TMEM132C: variants seen among roughly 807,000 people sequenced by gnomAD.
TMEM132C encodes the protein transmembrane protein 132C, also known as protein phosphatase 1, regulatory subunit 152.
A neutral mutation model predicts 61.4 loss-of-function variants in TMEM132C; 29 were observed. The observed-to-expected ratio is 0.47, with a 90% confidence interval of 0.35 to 0.64. The LOEUF (loss-of-function observed/expected upper bound fraction) is 0.64. TMEM132C is among the 30% of genes least tolerant of loss of function. The pLI is 0.00. For synonymous variants in TMEM132C, 656 were observed against 633.1 expected, an observed-to-expected ratio of 1.04 and a Z score of -0.54; for missense variants, 1,408 against 1,476.9, an observed-to-expected ratio of 0.95 and a Z score of 0.76.
chr12:128,661,134 T>C (rs1593138768), intron 4 of TMEM132C, among the ~76,000 whole-genome samples: 3 of 152,194 alleles, frequency 2.0e-5, no homozygotes, highest in Non-Finnish European at 4.4e-5. Context: ...CAAACTGTCA[T>C]GAAGGGCAGC....
At chr12:128,665,991 GCACT>G (rs1291163123) in intron 4 of TMEM132C, among the ~76,000 whole-genome samples, 1 of 101,958 alleles carries the variant, frequency 9.8e-6, no homozygotes, top group African/African-American at 4.0e-5. Context: ...AAACACACAG[GCACT>G]CACACACAGG....
chr12:128,469,662 G>GTA (rs144261529), intron 2 of TMEM132C, among the ~76,000 whole-genome samples: 129 of 144,838 alleles, frequency 8.9e-4, no homozygotes, highest in African/African-American at 9.6e-4. Flanking sequence ...GTGTGTGTGT[G>GTA]TATATATATA....
chr12:128,628,330 C>G (rs147240632), intron 4 of TMEM132C, among the ~76,000 whole-genome samples: 4 of 152,314 alleles, frequency 2.6e-5, no homozygotes, highest in Non-Finnish European at 4.4e-5. Flanking sequence ...GATCTAACCT[C>G]CTTTCCCAGC....
intron 2 of TMEM132C, among the ~76,000 whole-genome samples, chr12:128,463,897 G>A (rs1306496560): frequency 6.6e-6 from 1 of 152,150 alleles, no homozygotes; most frequent in Non-Finnish European, 1.5e-5. Context: ...AGGAGACCAA[G>A]CCTCCAGCCA....
At chr12:128,652,858 T>A (rs1365277307) in intron 4 of TMEM132C, among the ~76,000 whole-genome samples, 1 of 152,204 alleles carries the variant, frequency 6.6e-6, no homozygotes, top group African/African-American at 2.4e-5. Flanking sequence ...AGAAAGATAA[T>A]TCGCCTTGGG....
At chr12:128,704,478 C>T (rs1954822968) in intron 8 of TMEM132C, among the ~76,000 whole-genome samples, 1 of 152,192 alleles carries the variant, frequency 6.6e-6, no homozygotes, top group South Asian at 2.1e-4. Context: ...TACAGCCAAG[C>T]AAAGCATCTG....
intron 1 of TMEM132C, among the ~76,000 whole-genome samples, chr12:128,297,454 G>A (rs1251065234): frequency 6.6e-6 from 1 of 152,182 alleles, no homozygotes; most frequent in Non-Finnish European, 1.5e-5. Context: ...GTGCTATCAT[G>A]GCTCCGGGTC....
intron 1 of TMEM132C, among the ~76,000 whole-genome samples, chr12:128,392,070 C>CTCTG (rs1307268245): frequency 8.1e-6 from 1 of 123,152 alleles, no homozygotes; most frequent in African/African-American, 3.3e-5. Flanking sequence ...CTCTTTCTCT[C>CTCTG]TCTCTCTCTC....
rs12830799 is a variant in TMEM132C, at chr12:128,542,856, A to C, written c.975-1101A>C. Among the ~76,000 whole-genome samples the C allele has an allele frequency of 6.1e-5, 8 of 132,100 alleles. No individual in the cohort carries two copies. In the Admixed American group the frequency reaches 6.3e-4, roughly 10 times the overall value. The allele number at this position is 132,100 out of a possible 152,430, so 86.7% of individuals were successfully genotyped here. ...AGCCTAGCGACAGAACAATACTTCGATGCAAAAAAAAAAAAAAAAAAAAAA... is the reference window on the plus strand; with the variant it reads ...AGCCTAGCGACAGAACAATACTTCGCTGCAAAAAAAAAAAAAAAAAAAAAA... On this transcript the variant is annotated intron_variant, in intron 2 of 8. Coordinates refer to ENST00000435159, the MANE Select transcript of TMEM132C (RefSeq NM_001136103.3).
At chr12:128,455,436 C>G (rs1870307540) in intron 2 of TMEM132C, among the ~76,000 whole-genome samples, 1 of 152,084 alleles carries the variant, frequency 6.6e-6, no homozygotes, top group Non-Finnish European at 1.5e-5. Context: ...CCTACTGAAG[C>G]AGTATTGTGG....
Position 128,669,473 on chromosome 12 carries a change from C to A in TMEM132C, c.1362C>A (p.Ile454=), listed in dbSNP as rs545813970. The A allele has an allele frequency of 1.3e-6, 2 of 1,551,568 alleles. No homozygotes were observed. Among genetic ancestry groups the A allele is most frequent in the African/African-American group, 1.4e-5 (1 of 73,024 alleles). Residue 454 remains isoleucine (I), a synonymous_variant, in exon 5 of 9, where the codon ATC becomes ATA. Coordinates refer to ENST00000435159, the MANE Select transcript of TMEM132C (RefSeq NM_001136103.3). ...CAGGAAAGACAGTTGCCATGCCTAT[C>A]AAGGTGGTCTCTGTGGAGGAGAACA... The part of the protein sequence containing the change: ...VLTGKTVAMP[I]KVVSVEENSA...
chr12:128,525,317 C>CTT (rs1462102653), intron 2 of TMEM132C, among the ~76,000 whole-genome samples: 135 of 149,302 alleles, frequency 9.0e-4, no homozygotes, highest in Non-Finnish European at 1.7e-3. Context: ...ATCCTTTGCA[C>CTT]TTCTCTCTCT....
At chr12:128,481,821 T>G (rs906137635) in intron 2 of TMEM132C, among the ~76,000 whole-genome samples, 3 of 152,184 alleles carry the variant, frequency 2.0e-5, no homozygotes, top group African/African-American at 7.2e-5. Context: ...GGAGGCACTC[T>G]GCTTGACCTG....
At chr12:128,388,866 T>C (rs1238661818) in intron 1 of TMEM132C, among the ~76,000 whole-genome samples, 1 of 152,232 alleles carries the variant, frequency 6.6e-6, no homozygotes, top group East Asian at 1.9e-4. Flanking sequence ...TAACAGAGTG[T>C]TGGTTTCACA....
chr12:128,620,279 T>C (rs533812778), intron 4 of TMEM132C, among the ~76,000 whole-genome samples: 18 of 150,404 alleles, frequency 1.2e-4, no homozygotes, highest in African/African-American at 3.7e-4. Context: ...GCAGAATTCA[T>C]TCAACCTCAC....
At chr12:128,344,635 T>C (rs145525370) in intron 1 of TMEM132C, among the ~76,000 whole-genome samples, 128 of 152,342 alleles carry the variant, frequency 8.4e-4, no homozygotes, top group Non-Finnish European at 1.7e-3. Context: ...CAACACTTGC[T>C]ATTGCCCGTC....
At chr12:128,422,206 G>T (rs1869011958) in intron 2 of TMEM132C, among the ~76,000 whole-genome samples, 1 of 152,192 alleles carries the variant, frequency 6.6e-6, no homozygotes, top group African/African-American at 2.4e-5. Context: ...TGCTGAGGAT[G>T]GGATGACTTC....
At chr12:128,473,151 T>A (rs769250092) in intron 2 of TMEM132C, among the ~76,000 whole-genome samples, 1 of 11,088 alleles carries the variant, frequency 9.0e-5, no homozygotes, top group Non-Finnish European at 1.9e-4. Context: ...CTCCAGCCAC[T>A]ATCTTCATCT....
intron 1 of TMEM132C, among the ~76,000 whole-genome samples, chr12:128,334,878 G>A (rs1019557481): frequency 2.0e-5 from 3 of 152,180 alleles, no homozygotes; most frequent in Non-Finnish European, 4.4e-5. Context: ...TTACAGGCAT[G>A]AGCCACCATG....
Sources: allele counts gnomAD v4.1 joint callset (sites outside exome capture counted in the v4.1 genomes callset), GRCh38; gene constraint gnomAD v4.1.1; transcripts MANE v1.5; gene names NCBI Gene and HGNC (gene_info 2026-07-23, HGNC 2026-07-21).